The following SPAG16 variants were observed in gnomAD, a reference collection of about 807,000 sequenced individuals.
SPAG16 encodes sperm associated antigen 16.
Under a neutral mutation model 80.4 loss-of-function variants are expected in SPAG16, and 86 were observed. That is an observed-to-expected ratio of 1.07 (90% CI 0.90 to 1.28). SPAG16 has a LOEUF of 1.28. SPAG16 is among the 50% of genes most tolerant of loss of function. The pLI, the probability that SPAG16 is intolerant of heterozygous loss-of-function variation, is 0.00. For synonymous variants in SPAG16, 294 were observed against 265.9 expected (o/e 1.11, Z -1.03); for missense variants, 870 against 765.3 (o/e 1.14, Z -1.61).
intron 14 of SPAG16, among the ~76,000 whole-genome samples, chr2:214,113,301 G>A (rs1450449412): frequency 6.6e-6 from 1 of 152,058 alleles, no homozygotes; most frequent in African/African-American, 2.4e-5. Flanking sequence ...GTGTCTTGGG[G>A]TTGCTCTTCT....
At chr2:213,460,803 A>AG in intron 9 of SPAG16, among the ~76,000 whole-genome samples, 1 of 152,190 alleles carries the variant, frequency 6.6e-6, no homozygotes, top group Admixed American at 6.5e-5. Flanking sequence ...TTTTAGAGCC[A>AG]CTAAATCTTT....
rs115558987 is a variant in SPAG16 at position 214,293,420 on chromosome 2, C to T, written c.1721-116720C>T. Among the ~76,000 whole-genome samples the T allele has an allele frequency of 7.6e-3, 1,158 of 152,256 alleles. 12 individuals are homozygous for T. Among genetic ancestry groups the T allele is most frequent in the African/African-American group, 0.026 (1,092 of 41,528 alleles). ...AGACCCTGGCAGTAGTGTTCAAGTGCCAGTGATGGTGAGCTGGTCTGGTAA... is the reference window on the plus strand; with the variant it reads ...AGACCCTGGCAGTAGTGTTCAAGTGTCAGTGATGGTGAGCTGGTCTGGTAA... On this transcript the variant is annotated intron_variant, in intron 15 of 15. Coordinates refer to ENST00000331683, the MANE Select transcript of SPAG16 (RefSeq NM_024532.5).
chr2:213,868,831 T>C (rs2075813117), intron 11 of SPAG16, among the ~76,000 whole-genome samples: 1 of 152,226 alleles, frequency 6.6e-6, no homozygotes, highest in Non-Finnish European at 1.5e-5. Flanking sequence ...TGTGAATAAA[T>C]GGACCTCTCC....
rs573066509 is a variant in SPAG16, at chr2:214,080,587, G to A, written c.1528-27609G>A. Among the ~76,000 whole-genome samples the A allele has an allele frequency of 7.2e-4, 101 of 140,012 alleles. 4 individuals carry two copies. The South Asian group carries it at 0.021, about 29-fold the overall frequency. The allele number at this position is 140,012 out of a possible 152,430, so 91.9% of individuals were successfully genotyped here. A position where few individuals can be genotyped will look rare whatever the true frequency, so the allele number is the denominator to read the frequency against. On this transcript the variant is annotated intron_variant, in intron 13 of 15. Transcript: ENST00000331683. Reference sequence around the variant, plus strand: ...CACGCCTCTGCACTCCAGCCTGGGCGACAGAGCGAGACTCTGTCTCAAAAA... The same window carrying A: ...CACGCCTCTGCACTCCAGCCTGGGCAACAGAGCGAGACTCTGTCTCAAAAA...
intron 15 of SPAG16, among the ~76,000 whole-genome samples, chr2:214,211,963 T>C (rs2058306208): frequency 6.6e-6 from 1 of 152,192 alleles, no homozygotes; most frequent in Admixed American, 6.6e-5. Flanking sequence ...AGTTTCGGGC[T>C]ACTGTGACAC....
At chr2:214,235,296 A>T (rs1688997871) in intron 15 of SPAG16, among the ~76,000 whole-genome samples, 1 of 152,166 alleles carries the variant, frequency 6.6e-6, no homozygotes, top group African/African-American at 2.4e-5. Flanking sequence ...ACTTAATATG[A>T]GTCCATTGAG....
intron 15 of SPAG16, among the ~76,000 whole-genome samples, chr2:214,169,161 T>G (rs2056782301): frequency 6.6e-6 from 1 of 152,076 alleles, no homozygotes; most frequent in African/African-American, 2.4e-5. Flanking sequence ...TTGATAATCC[T>G]TGAGTATTCA....
intron 7 of SPAG16, among the ~76,000 whole-genome samples, chr2:213,360,380 G>A (rs2065907697): frequency 1.3e-5 from 2 of 152,174 alleles, no homozygotes; most frequent in Admixed American, 1.3e-4. Flanking sequence ...GCAAAAGGTG[G>A]AAGACACATG....
chr2:213,423,008 C>T (rs1401982809), intron 9 of SPAG16, among the ~76,000 whole-genome samples: 1 of 152,230 alleles, frequency 6.6e-6, no homozygotes, highest in Non-Finnish European at 1.5e-5. Flanking sequence ...TAGGCTGTTA[C>T]TTCAAACACT....
At chr2:214,313,895 T>C (rs1197825755) in intron 15 of SPAG16, among the ~76,000 whole-genome samples, 1 of 152,148 alleles carries the variant, frequency 6.6e-6, no homozygotes, top group Non-Finnish European at 1.5e-5. Context: ...CGTATCTTTA[T>C]TAGCTGCCTG....
chr2:213,489,957 C>T lies in SPAG16; in HGVS notation c.943-6C>T, dbSNP rs1306437267. 1 of 1,592,846 alleles carries T rather than the reference C, an allele frequency of 6.3e-7. No individual in the cohort carries two copies. The highest frequency in any genetic ancestry group is 8.5e-7 in the Non-Finnish European group (1 of 1,171,732). The stretch of plus-strand genomic sequence containing the variant: ...CACAGAGCTCTTGTTTAATTTTTTT[C>T]TCTAGGATTCAGAATTTCCCATAGA... On this transcript the variant is annotated splice_polypyrimidine_tract_variant and splice_region_variant and intron_variant, in intron 9 of 15. Coordinates refer to ENST00000331683, the MANE Select transcript of SPAG16 (RefSeq NM_024532.5).
intron 14 of SPAG16, 85 bp from the exon 15 acceptor site, chr2:214,149,055 A>G (rs1387457756): frequency 3.5e-3 from 213 of 61,718 alleles, no homozygotes; most frequent in Non-Finnish European, 4.7e-3. Flanking sequence ...GTGTGTGTGT[A>G]TATATATATG....
At chr2:213,861,710 A>G (rs536494917) in intron 10 of SPAG16, among the ~76,000 whole-genome samples, 2 of 152,290 alleles carry the variant, frequency 1.3e-5, no homozygotes, top group African/African-American at 4.8e-5. Flanking sequence ...TCAGGCATTA[A>G]CCTTGTAGAC....
intron 12 of SPAG16, among the ~76,000 whole-genome samples, chr2:213,938,005 T>G (rs1017067345): frequency 6.6e-6 from 1 of 152,142 alleles, no homozygotes; most frequent in Non-Finnish European, 1.5e-5. Context: ...TGCTGTATAA[T>G]GTACACTTTC....
intron 15 of SPAG16, among the ~76,000 whole-genome samples, chr2:214,354,260 T>C (rs1698621264): frequency 6.6e-6 from 1 of 152,148 alleles, no homozygotes; most frequent in South Asian, 2.1e-4. Flanking sequence ...TAGGGAATCC[T>C]TTCCCCATTG....
At chr2:213,854,150 A>T (rs1005461627) in intron 10 of SPAG16, among the ~76,000 whole-genome samples, 15 of 152,238 alleles carry the variant, frequency 9.9e-5, no homozygotes, top group Non-Finnish European at 1.9e-4. Context: ...ACTTAACATC[A>T]TATAAAACAC....
intron 10 of SPAG16, among the ~76,000 whole-genome samples, chr2:213,565,237 C>T (rs1049124615): frequency 5.3e-5 from 8 of 152,156 alleles, no homozygotes; most frequent in Non-Finnish European, 8.8e-5. Context: ...ATATTGACTA[C>T]TACATTACAG....
intron 15 of SPAG16, among the ~76,000 whole-genome samples, chr2:214,191,348 A>G (rs1576459117): frequency 6.6e-6 from 1 of 152,182 alleles, no homozygotes; most frequent in Non-Finnish European, 1.5e-5. Context: ...AACTAATGTT[A>G]TACCTTGAGC....
chr2:213,866,879 C>T (rs900079169), intron 11 of SPAG16, among the ~76,000 whole-genome samples: 7 of 152,144 alleles, frequency 4.6e-5, no homozygotes, highest in Non-Finnish European at 1.0e-4. Context: ...TGAACACTAA[C>T]ACCGTCTAAC....
Sources: allele counts gnomAD v4.1 joint callset (sites outside exome capture counted in the v4.1 genomes callset), GRCh38; gene constraint gnomAD v4.1.1; transcripts MANE v1.5; gene names NCBI Gene and HGNC (gene_info 2026-07-23, HGNC 2026-07-21).